XKR4: variants seen among roughly 807,000 people sequenced by gnomAD.
XKR4 encodes the protein XK-related protein 4.
XKR4 carries 12 observed loss-of-function variants against 53.9 expected under a neutral mutation model. The ratio of observed to expected loss-of-function variants is 0.22; its 90% CI spans 0.14 to 0.36. The LOEUF (loss-of-function observed/expected upper bound fraction) is 0.36, where lower values mean the gene tolerates loss of function less well. XKR4 is among the 10% of genes least tolerant of loss of function. The pLI, the probability that XKR4 is intolerant of heterozygous loss-of-function variation, is 1.00. For missense variants in XKR4, 799 were observed against 859.5 expected (o/e 0.93, Z 0.88); for synonymous variants, 354 against 362.4 (o/e 0.98, Z 0.26).
At chr8:55,325,088 TA>T (rs1803273936) in intron 1 of XKR4, among the ~76,000 whole-genome samples, 1 of 152,140 alleles carries the variant, frequency 6.6e-6, no homozygotes, top group Non-Finnish European at 1.5e-5. Flanking sequence ...CCACAAAATT[TA>T]TGTGCCACAA....
At chr8:55,480,155 A>C (rs558108650) in intron 2 of XKR4, among the ~76,000 whole-genome samples, 14 of 152,340 alleles carry the variant, frequency 9.2e-5, no homozygotes, top group Admixed American at 9.1e-4. Context: ...ATCCTCAATA[A>C]AATACTGGCA....
At chr8:55,378,062 T>C (rs1287624152) in intron 2 of XKR4, among the ~76,000 whole-genome samples, 1 of 152,220 alleles carries the variant, frequency 6.6e-6, no homozygotes, top group Non-Finnish European at 1.5e-5. Flanking sequence ...TGAGTACAAA[T>C]GTTTTTGTTT....
rs536171310 is a variant in XKR4, at chr8:55,434,539, G to A, written c.1006+76662G>A. On this transcript the variant is annotated intron_variant, in intron 2 of 2. Coordinates refer to ENST00000327381, the MANE Select transcript of XKR4 (RefSeq NM_052898.2). ...AGATTGAAAATGAGAGTCCATCATGGGATTGGTGATATGGAGACAAAAGCT... is the reference window on the plus strand; with the variant it reads ...AGATTGAAAATGAGAGTCCATCATGAGATTGGTGATATGGAGACAAAAGCT... Among the ~76,000 whole-genome samples, 12 of 152,036 alleles carry A rather than the reference G, an allele frequency of 7.9e-5. No individual in the cohort carries two copies. In the South Asian group the frequency reaches 1.2e-3, roughly 16 times the overall value.
chr8:55,506,389 G>T (rs1190157069), intron 2 of XKR4, among the ~76,000 whole-genome samples: 2 of 152,190 alleles, frequency 1.3e-5, no homozygotes, highest in East Asian at 3.9e-4. Context: ...AAAAGCTGCA[G>T]ATCAGGCACA....
In XKR4 at chr8:55,535,754, A is replaced by AG. The variant is rs1563376023; in HGVS notation, c.*11527_*11528insG. ...AGTTCAAAATAGTCACAGCCAGTCCATAACTATAACAACAGACATGTCCAC... is the reference window on the plus strand; with the variant it reads ...AGTTCAAAATAGTCACAGCCAGTCCAGTAACTATAACAACAGACATGTCCAC... On this transcript the variant is annotated 3_prime_UTR_variant, in exon 3 of 3. Coordinates refer to ENST00000327381, the MANE Select transcript of XKR4 (RefSeq NM_052898.2). The AG allele has an allele frequency of 1.3e-5, 2 of 152,212 alleles. No individual in the cohort carries two copies. The highest frequency in any genetic ancestry group is 4.8e-5 in the African/African-American group (2 of 41,444). 9.4% of individuals were successfully genotyped at this position (152,212 alleles called of 1,614,324 possible).
intron 1 of XKR4, among the ~76,000 whole-genome samples, chr8:55,238,236 T>A (rs1400767235): frequency 1.3e-5 from 2 of 152,322 alleles, no homozygotes; most frequent in African/African-American, 4.8e-5. Context: ...ATGATACCAT[T>A]CTAAGCATGC....
chr8:55,137,110 G>A (rs9643834), intron 1 of XKR4, among the ~76,000 whole-genome samples: 22,022 of 152,068 alleles, frequency 0.14, 2,027 homozygotes, highest in Middle Eastern at 0.29. Flanking sequence ...AGCATTTTAT[G>A]TCTAGTAATC....
intron 2 of XKR4, among the ~76,000 whole-genome samples, chr8:55,406,347 T>C (rs1804681618): frequency 6.6e-6 from 1 of 152,140 alleles, no homozygotes; most frequent in African/African-American, 2.4e-5. Context: ...GCATTAACTG[T>C]GCTCAGAGCT....
At chr8:55,324,296 A>G (rs1803261550) in intron 1 of XKR4, among the ~76,000 whole-genome samples, 1 of 152,148 alleles carries the variant, frequency 6.6e-6, no homozygotes, top group Non-Finnish European at 1.5e-5. Context: ...GGGTCTTGCT[A>G]CATTGTCCAG....
chr8:55,275,903 G>A (rs1008577642), intron 1 of XKR4, among the ~76,000 whole-genome samples: 2 of 152,050 alleles, frequency 1.3e-5, no homozygotes, highest in African/African-American at 4.8e-5. Flanking sequence ...GTCCCACCTG[G>A]GCCAGCCTTG....
intron 2 of XKR4, among the ~76,000 whole-genome samples, chr8:55,497,809 T>C (rs57710545): frequency 0.053 from 8,036 of 152,262 alleles, 602 homozygotes; most frequent in East Asian, 0.28. Context: ...TCTTGTGAGA[T>C]CCAAGCCGGA....
intron 2 of XKR4, chr8:55,451,441 G>GC (rs1388932191): frequency 8.2e-7 from 1 of 1,220,412 alleles, no homozygotes; most frequent in Non-Finnish European, 1.2e-6. Context: ...GCTGACAACA[G>GC]CCTGCAGGTA....
At position 55,302,076 on chromosome 8, in the gene XKR4, T is replaced by TATG. The variant is rs1439765888; in HGVS notation, c.807-55601_807-55599dup. Among the ~76,000 whole-genome samples the TATG allele has an allele frequency of 4.8e-5, 7 of 146,528 alleles. No individual in the cohort carries two copies. The South Asian group carries it at 1.3e-3, about 28-fold the overall frequency. On this transcript the variant is annotated intron_variant, in intron 1 of 2. Coordinates refer to ENST00000327381, the MANE Select transcript of XKR4 (RefSeq NM_052898.2). ...TAGACATGAAGTCCTTGCCCATGCC[T>TATG]ATGTCCTGAATGGTATTGCCTAGGT...
At chr8:55,519,397 T>C (rs1176030204) in intron 2 of XKR4, among the ~76,000 whole-genome samples, 1 of 152,206 alleles carries the variant, frequency 6.6e-6, no homozygotes, top group Admixed American at 6.5e-5. Flanking sequence ...AAAAAATACA[T>C]TGTTCAATGT....
chr8:55,137,711 A>G (rs781546548), intron 1 of XKR4, among the ~76,000 whole-genome samples: 1 of 151,726 alleles, frequency 6.6e-6, no homozygotes, highest in Middle Eastern at 3.2e-3. Context: ...CTACAGGTGC[A>G]TGCCACCACA....
At chr8:55,196,164 G>A (rs1329059271) in intron 1 of XKR4, among the ~76,000 whole-genome samples, 1 of 150,180 alleles carries the variant, frequency 6.7e-6, no homozygotes, top group Admixed American at 6.7e-5. Flanking sequence ...ACATGTGGGT[G>A]GTTGTGCTTC....
At chr8:55,292,371 G>A (rs1247055931) in intron 1 of XKR4, among the ~76,000 whole-genome samples, 1 of 152,000 alleles carries the variant, frequency 6.6e-6, no homozygotes. Context: ...ATTTCATATG[G>A]GTGAGTTATA....
At chr8:55,463,607 G>A (rs1315305688) in intron 2 of XKR4, among the ~76,000 whole-genome samples, 1 of 151,902 alleles carries the variant, frequency 6.6e-6, no homozygotes, top group East Asian at 1.9e-4. Flanking sequence ...CTAGCAGAAG[G>A]CAAGAAATAA....
chr8:55,440,698 A>G (rs1256867057), intron 2 of XKR4, among the ~76,000 whole-genome samples: 1 of 152,194 alleles, frequency 6.6e-6, no homozygotes, highest in Non-Finnish European at 1.5e-5. Context: ...TAAAATGTAA[A>G]TTATATAGTA....
Sources: allele counts gnomAD v4.1 joint callset (sites outside exome capture counted in the v4.1 genomes callset), GRCh38; gene constraint gnomAD v4.1.1; transcripts MANE v1.5; gene names NCBI Gene and HGNC (gene_info 2026-07-23, HGNC 2026-07-21).